Variants in SFMBT2 observed in about 807,000 individuals in gnomAD.
SFMBT2 encodes scm-like with four MBT domains protein 2.
A neutral mutation model predicts 110.1 loss-of-function variants in SFMBT2; 38 were observed. The observed-to-expected ratio is 0.35, with a 90% CI of 0.27 to 0.45. The LOEUF (loss-of-function observed/expected upper bound fraction) is 0.45. Ranked by LOEUF, SFMBT2 falls within the 20% of genes least tolerant of loss-of-function variation. The probability of loss-of-function intolerance (pLI) is 1.00; values close to 1 mark genes in which losing one functional copy is unlikely to be tolerated. For missense variants in SFMBT2, 1,011 were observed against 1,094.9 expected (o/e 0.92, Z 1.08); for synonymous variants, 425 against 425.4 (o/e 1.00, Z 0.01).
chr10:7,312,316 G>A (rs1298004495), intron 4 of SFMBT2, among the ~76,000 whole-genome samples: 3 of 152,162 alleles, frequency 2.0e-5, no homozygotes, highest in African/African-American at 7.2e-5. Flanking sequence ...GTCCGAGGGA[G>A]CCGAGGCCAC....
intron 12 of SFMBT2, chr10:7,204,003 C>T (rs1051155397): frequency 4.2e-6 from 1 of 239,146 alleles, no homozygotes; most frequent in Non-Finnish European, 6.8e-6. Flanking sequence ...AGACGTGAGC[C>T]ACCACGCCTG....
At chr10:7,317,028 G>A (rs1395471478) in intron 4 of SFMBT2, among the ~76,000 whole-genome samples, 1 of 152,154 alleles carries the variant, frequency 6.6e-6, no homozygotes, top group East Asian at 1.9e-4. Context: ...TACTAAATGA[G>A]CACATACTTC....
Position 7,171,795 on chromosome 10 carries a change from G to A in SFMBT2, c.2415+100C>T, listed in dbSNP as rs1030355664. The A allele has an allele frequency of 5.8e-6, 7 of 1,204,712 alleles. No individual in the cohort carries two copies. The African/African-American group carries it at 9.6e-5, about 16-fold the overall frequency. The allele number at this position is 1,204,712 out of a possible 1,614,324, so 74.6% of individuals were successfully genotyped here. A position where few individuals can be genotyped will look rare whatever the true frequency, so the allele number is the denominator to read the frequency against. On this transcript the variant is annotated intron_variant, in intron 19 of 20. Transcript: ENST00000397167. This position sits in a 1 kb window ranked among gnomAD's most constrained non-coding sequence, Gnocchi z 4.9. Reference sequence around the variant, plus strand: ...GCTAGAGCAGCTGCTGCTGTTGGAGGTATTTTAAACAGGTTTCCCCACATC... The same window carrying A: ...GCTAGAGCAGCTGCTGCTGTTGGAGATATTTTAAACAGGTTTCCCCACATC...
intron 6 of SFMBT2, among the ~76,000 whole-genome samples, chr10:7,283,201 G>C (rs1841996815): frequency 6.6e-6 from 1 of 152,182 alleles, no homozygotes; most frequent in Non-Finnish European, 1.5e-5. Flanking sequence ...TTCAAGAATG[G>C]TTATTTTGTA....
rs185688474 is a variant in SFMBT2 at position 7,323,147 on chromosome 10, T to C, written c.437-37193A>G. Among the ~76,000 whole-genome samples the C allele has an allele frequency of 4.0e-4, 61 of 152,234 alleles. No homozygotes were observed. The South Asian group carries it at 5.2e-3, about 13-fold the overall frequency. On this transcript the variant is annotated intron_variant, in intron 4 of 20. Transcript: ENST00000397167. Reference sequence around the variant, plus strand: ...ACTAACTATGATTTATGGTGAAATATACATGCAATATAAAACATAAATGGA... The same window carrying C: ...ACTAACTATGATTTATGGTGAAATACACATGCAATATAAAACATAAATGGA...
chr10:7,275,723 C>A lies in SFMBT2; in HGVS notation c.870+1169G>T, dbSNP rs551120729. On this transcript the variant is annotated intron_variant, in intron 7 of 20. Transcript: ENST00000397167. ...CACATGGCTAAGTTAAGGGGGAGAT[C>A]TTAATAGTCCAATTTTACAAACAGG... Among the ~76,000 whole-genome samples the A allele has an allele frequency of 6.6e-5, 10 of 152,286 alleles. No individual in the cohort carries two copies. The South Asian group carries it at 1.9e-3, about 28-fold the overall frequency.
Position 7,171,160 on chromosome 10 carries a change from C to A in SFMBT2, c.2416-104G>T. On this transcript the variant is annotated intron_variant, in intron 19 of 20. Transcript: ENST00000397167. This position sits in a 1 kb window ranked among gnomAD's most constrained non-coding sequence, Gnocchi z 4.9. Reference sequence around the variant, plus strand: ...GCCGTTCCTGGCCGGAAGCCACTGCCTCCCTTTGCTCCCTCACTGGGCACC... The same window carrying A: ...GCCGTTCCTGGCCGGAAGCCACTGCATCCCTTTGCTCCCTCACTGGGCACC... 6.4e-7 allele frequency: 1 copy of A among 1,560,456 alleles called. No individual in the cohort carries two copies.
chr10:7,251,943 C>T (rs1006668657), intron 7 of SFMBT2, among the ~76,000 whole-genome samples: 7 of 152,204 alleles, frequency 4.6e-5, no homozygotes, highest in African/African-American at 1.7e-4. Context: ...GGCATCCTGA[C>T]AGCCACGGGG....
intron 2 of SFMBT2, among the ~76,000 whole-genome samples, chr10:7,373,918 G>A (rs890061120): frequency 6.6e-6 from 1 of 152,158 alleles, no homozygotes; most frequent in Non-Finnish European, 1.5e-5. Flanking sequence ...AATGATAGCT[G>A]CTGAAAAACG....
intron 11 of SFMBT2, among the ~76,000 whole-genome samples, chr10:7,210,777 C>T (rs1257109798): frequency 1.3e-5 from 2 of 152,216 alleles, no homozygotes; most frequent in Admixed American, 6.5e-5. Flanking sequence ...CAAAGCCTCC[C>T]TGGGTCAGCT....
At chr10:7,210,309 T>C (rs1839299387) in intron 11 of SFMBT2, among the ~76,000 whole-genome samples, 1 of 152,104 alleles carries the variant, frequency 6.6e-6, no homozygotes, top group Non-Finnish European at 1.5e-5. Context: ...GGAACACAGT[T>C]CTATCAAACT....
Position 7,243,632 on chromosome 10 carries a change from C to G in SFMBT2, c.1046G>C (p.Cys349Ser). The change falls in exon 9 of 21, where the codon TGC (cysteine) becomes TCC (serine). Residue 349 changes from cysteine (C) to serine (S), a missense_variant. Physicochemically the swap from Cys to Ser is moderately radical, Grantham distance 112. Transcript: ENST00000397167. Reference sequence around the variant, plus strand: ...CAAAATCCCCAAAGAATCTGCATGGCACAGCATTGACAGTTTACTTGGTTC... The same window carrying G: ...CAAAATCCCCAAAGAATCTGCATGGGACAGCATTGACAGTTTACTTGGTTC... ...RPEPSKLSMLCHADSLGILPV... is the reference protein window; with the variant it reads ...RPEPSKLSMLSHADSLGILPV... 1.1e-6 allele frequency: 1 copy of G among 872,830 alleles called. No homozygotes were observed. Among genetic ancestry groups the G allele is most frequent in the Non-Finnish European group, 2.0e-6 (1 of 501,650 alleles). 54.1% of individuals were successfully genotyped at this position (872,830 alleles called of 1,614,324 possible).
intron 8 of SFMBT2, among the ~76,000 whole-genome samples, chr10:7,247,081 A>G (rs551614262): frequency 1.4e-4 from 22 of 152,326 alleles, no homozygotes; most frequent in Non-Finnish European, 2.6e-4. Context: ...TTTTCTTTAA[A>G]TAACCTTAAA....
intron 9 of SFMBT2, among the ~76,000 whole-genome samples, chr10:7,228,758 C>T (rs938757115): frequency 3.0e-5 from 4 of 131,502 alleles, no homozygotes; most frequent in Admixed American, 7.8e-5. Context: ...CTCTCTCTCT[C>T]TCTCTCTCTC....
intron 1 of SFMBT2, among the ~76,000 whole-genome samples, chr10:7,392,069 A>G (rs1455327628): frequency 6.6e-6 from 1 of 152,184 alleles, no homozygotes; most frequent in Non-Finnish European, 1.5e-5. Context: ...GTAGAATCCC[A>G]GAAGTTAAAT....
intron 4 of SFMBT2, among the ~76,000 whole-genome samples, chr10:7,297,301 C>G (rs1054656955): frequency 6.6e-6 from 1 of 152,180 alleles, no homozygotes; most frequent in African/African-American, 2.4e-5. Flanking sequence ...ATGGCACTAC[C>G]TGGGTTGGAG....
At chr10:7,324,096 T>C (rs1843296437) in intron 4 of SFMBT2, among the ~76,000 whole-genome samples, 1 of 152,228 alleles carries the variant, frequency 6.6e-6, no homozygotes, top group Admixed American at 6.5e-5. Flanking sequence ...CCTGTGTAAA[T>C]ATATTGCCTA....
chr10:7,203,246 G>A (rs1839016416), intron 12 of SFMBT2: 1 of 294,006 alleles, frequency 3.4e-6, no homozygotes. Context: ...AAAGCAAAAT[G>A]TATGTGCAAG....
chr10:7,340,736 G>A (rs946243672), intron 4 of SFMBT2, among the ~76,000 whole-genome samples: 2 of 148,824 alleles, frequency 1.3e-5, no homozygotes, highest in East Asian at 2.0e-4. Flanking sequence ...TTAGGAGCCC[G>A]TCTGTGACCT....
Sources: gnomAD v4.1 joint callset for allele counts (sites outside exome capture counted in the v4.1 genomes callset) on GRCh38, gnomAD v4.1.1 for gene constraint, Gnocchi (gnomAD v3.1) non-coding constraint, MANE v1.5 for transcripts, NCBI Gene and HGNC (gene_info 2026-07-23, HGNC 2026-07-21) for gene names.